Variants in SNX10 observed in about 807,000 individuals in gnomAD.
The protein encoded by SNX10 is sorting nexin-10.
In SNX10, 25 loss-of-function variants were observed where a neutral mutation model predicts 28.5. The observed-to-expected ratio is 0.88, with a 90% CI of 0.64 to 1.22. The LOEUF (loss-of-function observed/expected upper bound fraction) is 1.22. Among genes scored for constraint, SNX10 ranks in the 50% most tolerant of loss-of-function variants. SNX10 has a pLI of 0.00. For missense variants in SNX10, 223 were observed against 242.6 expected (o/e 0.92, Z 0.54); for synonymous variants, 62 against 81.4 (o/e 0.76, Z 1.28).
chr7:26,361,265 T>C (rs941095392), intron 3 of SNX10, among the ~76,000 whole-genome samples: 1 of 152,256 alleles, frequency 6.6e-6, no homozygotes, highest in African/African-American at 2.4e-5. Context: ...ATTGTTCCTT[T>C]GTTAATATTA....
chr7:26,341,343 A>G (rs937258995), intron 1 of SNX10, among the ~76,000 whole-genome samples: 3 of 152,164 alleles, frequency 2.0e-5, no homozygotes, highest in Admixed American at 2.0e-4. Flanking sequence ...TGAAGGTAAG[A>G]GAGAAGGAGA....
intron 1 of SNX10, among the ~76,000 whole-genome samples, chr7:26,336,969 T>G (rs534508577): frequency 6.6e-6 from 1 of 152,342 alleles, no homozygotes; most frequent in South Asian, 2.1e-4. Flanking sequence ...AGAGGTCAAA[T>G]TATCGAGTTA....
chr7:26,320,127 G>C (rs917984679), intron 1 of SNX10, among the ~76,000 whole-genome samples: 1 of 151,622 alleles, frequency 6.6e-6, no homozygotes, highest in Non-Finnish European at 1.5e-5. Flanking sequence ...GATTACAGGT[G>C]CCCACCAGCA....
intron 1 of SNX10, among the ~76,000 whole-genome samples, chr7:26,338,190 C>T (rs1353438547): frequency 6.7e-6 from 1 of 148,234 alleles, no homozygotes. Context: ...GGTCTTGGCT[C>T]ACTGCAGCCT....
chr7:26,314,625 T>C (rs913976754), intron 1 of SNX10, among the ~76,000 whole-genome samples: 10 of 152,200 alleles, frequency 6.6e-5, no homozygotes, highest in African/African-American at 2.4e-4. Flanking sequence ...TTCCCTTTTT[T>C]TCTAGTGGCT....
At position 26,365,075 on chromosome 7, in the gene SNX10, C is replaced by G. The variant is rs1789234900; in HGVS notation, c.241C>G (p.Leu81Val). 2 of 1,612,198 alleles carry G rather than the reference C, an allele frequency of 1.2e-6. No individual in the cohort carries two copies. Among genetic ancestry groups the G allele is most frequent in the East Asian group, 4.5e-5 (2 of 44,868 alleles). The change falls in exon 5 of 7, where the codon CTG becomes GTG. Residue 81 changes from leucine to valine, a missense_variant. Leu to Val is a conservative substitution (Grantham distance 32, BLOSUM62 1). Coordinates refer to ENST00000338523, the MANE Select transcript of SNX10 (RefSeq NM_013322.3). Reference protein sequence around the residue: ...VQLPELPSKNLFFNMNNRQHV... With the variant: ...VQLPELPSKNVFFNMNNRQHV... ...ACTGCCAGAACTTCCATCTAAAAAC[C>G]TGTTTTTCAACATGAACAATCGCCA...
chr7:26,340,376 G>C (rs1447456019), intron 1 of SNX10, among the ~76,000 whole-genome samples: 1 of 152,186 alleles, frequency 6.6e-6, no homozygotes, highest in Non-Finnish European at 1.5e-5. Context: ...CTGCAGACTT[G>C]AGTAGGAGAT....
At chr7:26,356,270 T>C (rs1443330151) in intron 2 of SNX10, among the ~76,000 whole-genome samples, 2 of 152,228 alleles carry the variant, frequency 1.3e-5, no homozygotes, top group Non-Finnish European at 2.9e-5. Flanking sequence ...AATTCCACTC[T>C]GCCTGGCTTT....
At chr7:26,316,577 G>A (rs991675955) in intron 1 of SNX10, among the ~76,000 whole-genome samples, 2 of 152,196 alleles carry the variant, frequency 1.3e-5, no homozygotes, top group African/African-American at 4.8e-5. Context: ...CAATTACTAT[G>A]TGCTTGTTAT....
rs1421123043 is a variant in SNX10 at position 26,292,078 on chromosome 7, G to C, written c.-32G>C. 1.3e-5 allele frequency: 2 copies of C among 152,432 alleles called. No individual in the cohort carries two copies. The highest frequency in any genetic ancestry group is 4.8e-5 in the African/African-American group (2 of 41,472). 9.4% of individuals were successfully genotyped at this position (152,432 alleles called of 1,614,324 possible). A position where few individuals can be genotyped will look rare whatever the true frequency, so the allele number is the denominator to read the frequency against. ...CGGCCCTGCTCTGTTCTGCCCGGAGGAGCCGCCCGTAAGTGACAAGAGACC... is the reference window on the plus strand; with the variant it reads ...CGGCCCTGCTCTGTTCTGCCCGGAGCAGCCGCCCGTAAGTGACAAGAGACC... On this transcript the variant is annotated 5_prime_UTR_variant, in exon 1 of 7. Transcript: ENST00000338523.
At position 26,357,072 on chromosome 7, in the gene SNX10, C is replaced by T. The variant is rs112616817; in HGVS notation, c.25-3903C>T. On this transcript the variant is annotated intron_variant, in intron 2 of 6. Transcript: ENST00000338523. The stretch of plus-strand genomic sequence containing the variant: ...GGATGTATGAGGCATTCAAGTCTTA[C>T]AAGACAGCCTAAGCTGCCCTACAGG... 64 of 1,226,358 alleles carry T rather than the reference C, an allele frequency of 5.2e-5. 1 individual carries two copies. The African/African-American group carries it at 8.0e-4, about 15-fold the overall frequency. 76.0% of individuals were successfully genotyped at this position (1,226,358 alleles called of 1,614,324 possible).
chr7:26,342,741 C>T (rs1788230241), intron 1 of SNX10, among the ~76,000 whole-genome samples: 1 of 152,186 alleles, frequency 6.6e-6, no homozygotes, highest in Non-Finnish European at 1.5e-5. Flanking sequence ...TGATAGTTCA[C>T]TGTGATGTTT....
intron 1 of SNX10, among the ~76,000 whole-genome samples, chr7:26,312,795 A>C (rs1786901682): frequency 6.6e-6 from 1 of 152,218 alleles, no homozygotes; most frequent in African/African-American, 2.4e-5. Context: ...AAAAAAAGAA[A>C]ATAGTGGCAC....
At chr7:26,361,125 TA>T in intron 3 of SNX10, 64 bp downstream of exon 3, 1 of 1,482,118 alleles carries the variant, frequency 6.7e-7, no homozygotes. Context: ...TTTTATGGGA[TA>T]AAGTTGACAC....
At chr7:26,331,375 C>A (rs559612928) in intron 1 of SNX10, among the ~76,000 whole-genome samples, 1 of 152,236 alleles carries the variant, frequency 6.6e-6, no homozygotes, top group South Asian at 2.1e-4. Flanking sequence ...CACTTAAGCC[C>A]AGGAGTTCCA....
At chr7:26,361,481 G>A (rs763756879) in intron 3 of SNX10, among the ~76,000 whole-genome samples, 14 of 152,204 alleles carry the variant, frequency 9.2e-5, no homozygotes, top group South Asian at 6.2e-4. Context: ...TATAGAATCA[G>A]AAGGTGGGAA....
chr7:26,336,115 T>G (rs1342520795), intron 1 of SNX10, among the ~76,000 whole-genome samples: 1 of 152,172 alleles, frequency 6.6e-6, no homozygotes, highest in African/African-American at 2.4e-5. Context: ...TGGGAGGAAG[T>G]GAAACACAGA....
At chr7:26,366,728 G>T (rs1230500020) in intron 5 of SNX10, among the ~76,000 whole-genome samples, 1 of 152,194 alleles carries the variant, frequency 6.6e-6, no homozygotes, top group Non-Finnish European at 1.5e-5. Context: ...CTTATTTCAG[G>T]TCAGAAGGCA....
At chr7:26,311,663 T>G (rs1786858331) in intron 1 of SNX10, among the ~76,000 whole-genome samples, 1 of 152,112 alleles carries the variant, frequency 6.6e-6, no homozygotes, top group Non-Finnish European at 1.5e-5. Context: ...TTCAATTAAA[T>G]TTTGAAGGGT....
Sources: gnomAD v4.1 joint callset for allele counts (sites outside exome capture counted in the v4.1 genomes callset) on GRCh38, gnomAD v4.1.1 for gene constraint, MANE v1.5 for transcripts, NCBI Gene and HGNC (gene_info 2026-07-23, HGNC 2026-07-21) for gene names.